CSMD1: variants seen among roughly 807,000 people sequenced by gnomAD.
CSMD1 encodes the protein CUB and Sushi multiple domains 1, also known as CUB and sushi domain-containing protein 1.
A neutral mutation model predicts 417.5 loss-of-function variants in CSMD1; 213 were observed. The observed-to-expected ratio is 0.51, with a 90% CI of 0.46 to 0.57. The LOEUF (loss-of-function observed/expected upper bound fraction) is 0.57, where lower values mean the gene tolerates loss of function less well. Among genes scored for constraint, CSMD1 ranks in the 20% least tolerant of loss-of-function variants. The probability of loss-of-function intolerance (pLI) is 0.00; values close to 1 mark genes in which losing one functional copy is unlikely to be tolerated. For synonymous variants in CSMD1, 2,862 were observed against 1,736.8 expected (o/e 1.65, Z -16.11); for missense variants, 6,923 against 4,529.7 (o/e 1.53, Z -15.17).
intron 5 of CSMD1, among the ~76,000 whole-genome samples, chr8:3,796,641 G>T (rs929651863): frequency 1.3e-5 from 2 of 148,320 alleles, no homozygotes; most frequent in Non-Finnish European, 3.0e-5. Flanking sequence ...CTAATGTATA[G>T]ATATAGATAT....
rs542797251 is a variant in CSMD1, at chr8:3,254,326, C to G, written c.4154-24095G>C. 2.3e-4 allele frequency among the ~76,000 whole-genome samples: 35 copies of G among 152,190 alleles called. No homozygotes were observed. The East Asian group carries it at 6.6e-3, about 29-fold the overall frequency. On this transcript the variant is annotated intron_variant, in intron 26 of 69. Transcript: ENST00000635120. ...CTTAACATTTTTTCCTTCATTTTAA[C>G]TTTGGTGAATCTGACAATTATGTGT...
At chr8:3,628,618 C>A (rs4875763) in intron 7 of CSMD1, among the ~76,000 whole-genome samples, 52,229 of 151,824 alleles carry the variant, frequency 0.34, 9,461 homozygotes, top group Middle Eastern at 0.46. Flanking sequence ...GAGGGAGTGT[C>A]TCAGAGGGAG....
intron 3 of CSMD1, among the ~76,000 whole-genome samples, chr8:4,138,138 A>G (rs1315927872): frequency 1.5e-5 from 2 of 129,216 alleles, no homozygotes; most frequent in Admixed American, 9.8e-5. Context: ...GATGGTCTCA[A>G]TCTCCTGACC....
Position 3,522,837 on chromosome 8 carries a change from G to A in CSMD1, c.1345-29111C>T, listed in dbSNP as rs186159631. Among the ~76,000 whole-genome samples the A allele has an allele frequency of 5.3e-5, 8 of 150,214 alleles. No homozygotes were observed. The East Asian group carries it at 1.6e-3, about 29-fold the overall frequency. On this transcript the variant is annotated intron_variant, in intron 10 of 69. Transcript: ENST00000635120. ...ACGTATTTTATTTGACATATAATTT[G>A]TTAGATATATATAATTATATATTTA...
chr8:3,298,788 C>T (rs187638195), intron 25 of CSMD1, among the ~76,000 whole-genome samples: 7 of 152,260 alleles, frequency 4.6e-5, no homozygotes, highest in African/African-American at 9.6e-5. Flanking sequence ...TTTGGCAAAA[C>T]TCTTCTGAAG....
intron 3 of CSMD1, among the ~76,000 whole-genome samples, chr8:4,229,681 C>T (rs981063509): frequency 1.3e-5 from 2 of 152,122 alleles, no homozygotes; most frequent in African/African-American, 2.4e-5. Context: ...TCGTTCTCAC[C>T]ATCTGATGTA....
rs181805528 is a variant in CSMD1 at position 3,127,088 on chromosome 8, T to C, written c.6242-8501A>G. 2.6e-5 allele frequency among the ~76,000 whole-genome samples: 4 copies of C among 152,302 alleles called. No homozygotes were observed. The East Asian group carries it at 7.7e-4, about 29-fold the overall frequency. On this transcript the variant is annotated intron_variant, in intron 41 of 69. Coordinates refer to ENST00000635120, the MANE Select transcript of CSMD1 (RefSeq NM_033225.6). ...CTGCAGGGAGAACATCCGTCAACAA[T>C]GAAGATTCAGGTCCTAGTTTCTAAG...
At chr8:4,422,948 G>A (rs968901966) in intron 2 of CSMD1, among the ~76,000 whole-genome samples, 2 of 151,870 alleles carry the variant, frequency 1.3e-5, no homozygotes, top group Non-Finnish European at 2.9e-5. Flanking sequence ...AGTAATCTAT[G>A]TAGAAAAAAA....
At chr8:3,533,874 G>C (rs560053036) in intron 10 of CSMD1, among the ~76,000 whole-genome samples, 1 of 152,182 alleles carries the variant, frequency 6.6e-6, no homozygotes, top group Non-Finnish European at 1.5e-5. Flanking sequence ...ATCTACAATC[G>C]AAATCTTTCA....
rs541847482 is a variant in CSMD1, at chr8:3,105,692, A to G, written c.6949+836T>C. ...TTGAGATGTGCATGTTTCATTTTTT[A>G]TAAATTTACATCAAAATATTAAACA... On this transcript the variant is annotated intron_variant, in intron 46 of 69. Coordinates refer to ENST00000635120, the MANE Select transcript of CSMD1 (RefSeq NM_033225.6). Among the ~76,000 whole-genome samples the G allele has an allele frequency of 2.6e-5, 4 of 152,344 alleles. No homozygotes were observed. In the East Asian group the frequency reaches 5.8e-4, roughly 22 times the overall value.
At chr8:4,057,865 C>A (rs1321423966) in intron 3 of CSMD1, among the ~76,000 whole-genome samples, 7 of 152,258 alleles carry the variant, frequency 4.6e-5, no homozygotes, top group South Asian at 4.1e-4. Flanking sequence ...ATTATTTCTG[C>A]AGGCTGTGTT....
intron 50 of CSMD1, among the ~76,000 whole-genome samples, chr8:3,036,815 T>C (rs6558699): frequency 0.59 from 89,150 of 151,942 alleles, 26,607 homozygotes; most frequent in African/African-American, 0.68. Flanking sequence ...CTTTTCTTTT[T>C]GGCTTTTAGA....
At chr8:4,132,505 G>C (rs935382711) in intron 3 of CSMD1, among the ~76,000 whole-genome samples, 7 of 152,200 alleles carry the variant, frequency 4.6e-5, no homozygotes, top group Admixed American at 1.3e-4. Flanking sequence ...CATTTTATTA[G>C]GCATTCCCCT....
chr8:4,965,255 A>G (rs1190105865), intron 1 of CSMD1, among the ~76,000 whole-genome samples: 1 of 152,212 alleles, frequency 6.6e-6, no homozygotes, highest in Non-Finnish European at 1.5e-5. Context: ...GTTCCCATTG[A>G]TAACAATTAG....
intron 5 of CSMD1, among the ~76,000 whole-genome samples, chr8:3,984,601 A>G (rs1814164178): frequency 1.3e-5 from 2 of 150,874 alleles, no homozygotes; most frequent in Non-Finnish European, 2.9e-5. Flanking sequence ...TTCAAGTAAG[A>G]AAAAATACAG....
chr8:3,440,393 C>T (rs1213023583), intron 12 of CSMD1, among the ~76,000 whole-genome samples: 2 of 152,070 alleles, frequency 1.3e-5, no homozygotes, highest in Non-Finnish European at 2.9e-5. Flanking sequence ...CCACATATTA[C>T]ATTGTTTTGA....
chr8:4,449,319 G>T (rs555431623), intron 2 of CSMD1, among the ~76,000 whole-genome samples: 1 of 152,154 alleles, frequency 6.6e-6, no homozygotes, highest in East Asian at 1.9e-4. Flanking sequence ...ACTCAAATGA[G>T]CATCTGTCTT....
chr8:4,434,052 T>G (rs1335189335), intron 2 of CSMD1, among the ~76,000 whole-genome samples: 1 of 152,142 alleles, frequency 6.6e-6, no homozygotes, highest in African/African-American at 2.4e-5. Context: ...TATCTGGATC[T>G]AGGGGCTGGA....
chr8:4,884,041 T>C (rs544466569), intron 1 of CSMD1, among the ~76,000 whole-genome samples: 9 of 152,050 alleles, frequency 5.9e-5, no homozygotes, highest in Non-Finnish European at 1.2e-4. Context: ...GAATGTCAAA[T>C]GGTGTCTCAC....
Sources: allele counts gnomAD v4.1 joint callset (sites outside exome capture counted in the v4.1 genomes callset), GRCh38; gene constraint gnomAD v4.1.1; transcripts MANE v1.5; gene names NCBI Gene and HGNC (gene_info 2026-07-23, HGNC 2026-07-21).